Variants in CEP131 observed in about 807,000 individuals in gnomAD.
CEP131 encodes the protein centrosomal protein 131.
In CEP131, 99 loss-of-function variants were observed where a neutral mutation model predicts 136.8. That is an observed-to-expected ratio of 0.72 (90% confidence interval 0.62 to 0.86). CEP131 has a LOEUF of 0.86. CEP131 is among the 40% of genes least tolerant of loss of function. The probability of loss-of-function intolerance (pLI) is 0.00; values close to 1 mark genes in which losing one functional copy is unlikely to be tolerated. For missense variants in CEP131, 1,459 were observed against 1,463.0 expected (o/e 1.00, Z 0.04); for synonymous variants, 646 against 612.7 (o/e 1.05, Z -0.80).
At chr17:81,202,945 C>G (rs1405598744) in intron 6 of CEP131, among the ~76,000 whole-genome samples, 5 of 148,070 alleles carry the variant, frequency 3.4e-5, no homozygotes, top group African/African-American at 1.0e-4. Flanking sequence ...GCCTGGGCAA[C>G]AAGAATGAAA....
intron 16 of CEP131, among the ~76,000 whole-genome samples, chr17:81,195,622 G>A (rs1009725099): frequency 3.9e-5 from 6 of 152,162 alleles, no homozygotes; most frequent in South Asian, 2.1e-4. Context: ...GCAGGCCCAC[G>A]GCCCCGCCCC....
In CEP131 at chr17:81,192,561, T is replaced by C. The variant is rs773362195; in HGVS notation, c.2462A>G (p.Gln821Arg). 2 of 1,609,448 alleles carry C rather than the reference T, an allele frequency of 1.2e-6. No individual in the cohort carries two copies. The highest frequency in any genetic ancestry group is 1.7e-5 in the Admixed American group (1 of 59,868). Residue 821 changes from glutamine to arginine, a missense_variant, in exon 20 of 26, where the codon CAG (glutamine) becomes CGG (arginine). Gln to Arg is a conservative substitution (Grantham distance 43). Transcript: ENST00000450824. ...CAGTGCAGAGCTGCTCTCCTCCAGCTGCTGCCTCAGCTCTTCCAGCTCCGC... is the reference window on the plus strand; with the variant it reads ...CAGTGCAGAGCTGCTCTCCTCCAGCCGCTGCCTCAGCTCTTCCAGCTCCGC... ...QRAELEELRQ[Q>R]LEESSSALTR... is the part of the protein sequence containing the mutation.
intron 16 of CEP131, among the ~76,000 whole-genome samples, chr17:81,195,249 T>A (rs1255804988): frequency 2.6e-5 from 4 of 152,222 alleles, no homozygotes. Context: ...GGGGTGCTGC[T>A]GCCTGTCGGG....
intron 15 of CEP131, 25 bp from the exon 16 acceptor site, chr17:81,195,976 TG>T: frequency 6.3e-7 from 1 of 1,587,228 alleles, no homozygotes; most frequent in Non-Finnish European, 8.6e-7. Flanking sequence ...GGAGGTGAGG[TG>T]CTACACCAAG....
At position 81,208,419 on chromosome 17, in the gene CEP131, G is replaced by A. The variant is rs2062062389; in HGVS notation, c.272+509C>T. 6.6e-6 allele frequency among the ~76,000 whole-genome samples: 1 copy of A among 152,106 alleles called. No individual in the cohort carries two copies. The highest frequency in any genetic ancestry group is 1.5e-5 in the Non-Finnish European group (1 of 68,002). On this transcript the variant is annotated intron_variant, in intron 3 of 25. Transcript: ENST00000450824. The surrounding 1 kb of genome is among the most constrained non-coding windows in gnomAD (Gnocchi z 5.6). ...TGGGCTAGAGGATGTCCCCCCGGAGGCTGCTGGCCACCACCGGCTCCACTC... is the reference window on the plus strand; with the variant it reads ...TGGGCTAGAGGATGTCCCCCCGGAGACTGCTGGCCACCACCGGCTCCACTC...
chr17:81,220,072 T>A lies in CEP131; in HGVS notation c.-16A>T, dbSNP rs1471770547. On this transcript the variant is annotated splice_region_variant and 5_prime_UTR_variant, in exon 2 of 26. Transcript: ENST00000450824. ...TGCCTTTCATGGTGGACAAGGCAGGTCCTGAGCGGGGAAGCAAGAGCTGCA... is the reference window on the plus strand; with the variant it reads ...TGCCTTTCATGGTGGACAAGGCAGGACCTGAGCGGGGAAGCAAGAGCTGCA... The A allele has an allele frequency of 6.5e-7, 1 of 1,530,750 alleles. No individual in the cohort carries two copies. The highest frequency in any genetic ancestry group is 1.4e-5 in the African/African-American group (1 of 71,348). 94.8% of individuals were successfully genotyped at this position (1,530,750 alleles called of 1,614,324 possible). A position where few individuals can be genotyped will look rare whatever the true frequency, so the allele number is the denominator to read the frequency against.
At chr17:81,213,277 G>A (rs1392337471) in intron 2 of CEP131, among the ~76,000 whole-genome samples, 1 of 152,108 alleles carries the variant, frequency 6.6e-6, no homozygotes, top group Admixed American at 6.6e-5. Context: ...TTAATAAGTG[G>A]GGCCAGGTGC....
At chr17:81,201,580 A>T (rs903291671) in intron 7 of CEP131, among the ~76,000 whole-genome samples, 54 of 152,184 alleles carry the variant, frequency 3.5e-4, no homozygotes, top group African/African-American at 1.2e-3. Flanking sequence ...CTGAGGTACA[A>T]TTTCCATACT....
At chr17:81,202,173 A>C (rs2146593950) in intron 7 of CEP131, 67 bp downstream of exon 7, 45 of 313,012 alleles carry the variant, frequency 1.4e-4, no homozygotes, top group Middle Eastern at 6.2e-4. Flanking sequence ...AGCCCCCCAG[A>C]CCCTGATGCC....
chr17:81,200,230 C>T (rs1439748935), intron 8 of CEP131, 99 bp downstream of exon 8: 1 of 959,606 alleles, frequency 1.0e-6, no homozygotes, highest in Non-Finnish European at 1.6e-6. Flanking sequence ...CACGAGCAAT[C>T]CTAGGCTTTG....
chr17:81,214,377 G>A (rs893016592), intron 2 of CEP131, among the ~76,000 whole-genome samples: 1 of 152,140 alleles, frequency 6.6e-6, no homozygotes, highest in African/African-American at 2.4e-5. Flanking sequence ...CCAACATGGT[G>A]AAATCCTGTC....
intron 20 of CEP131, 27 bp from the exon 21 acceptor site, chr17:81,192,419 C>T (rs1482611817): frequency 6.2e-7 from 1 of 1,611,512 alleles, no homozygotes; most frequent in Admixed American, 1.7e-5. Flanking sequence ...AGAGGCCAGT[C>T]AGTCCCACCC....
intron 10 of CEP131, 121 bp from the exon 11 acceptor site, chr17:81,199,092 A>G (rs1451464940): frequency 1.9e-5 from 19 of 1,011,652 alleles, no homozygotes; most frequent in Non-Finnish European, 2.4e-5. Flanking sequence ...GAAGCAGAGG[A>G]GCCGCTGGGG....
rs767381516 is a variant in CEP131, at chr17:81,189,786, T to G, written c.3226A>C (p.Thr1076Pro). ...ATCCCTGGTCACTTGGTACTTGGCG[T>G]GGGCCTCCTGTGCTGCTCCAGCAGC... is the stretch of plus-strand genomic sequence containing the variant. ...EELLEQHRRP[T>P]PSTK The change falls in exon 26 of 26, where the codon ACG (threonine) becomes CCG (proline). Residue 1076 changes from threonine (T) to proline (P), a missense_variant. Transcript: ENST00000450824. 1 of 1,607,106 alleles carries G rather than the reference T, an allele frequency of 6.2e-7. No individual in the cohort carries two copies. Among genetic ancestry groups the G allele is most frequent in the Non-Finnish European group, 8.5e-7 (1 of 1,176,596 alleles).
At position 81,190,825 on chromosome 17, in the gene CEP131, G is replaced by A. The variant is rs1379884258; in HGVS notation, c.2944-23C>T. 4 of 1,593,778 alleles carry A rather than the reference G, an allele frequency of 2.5e-6. No individual in the cohort carries two copies. The African/African-American group carries it at 4.0e-5, about 16-fold the overall frequency. ...CACCTGGGTGGGCACAGAAGGCAGT[G>A]AGCCGGCTGCCAGCGACTGGCTGCG... On this transcript the variant is annotated intron_variant, in intron 23 of 25. Coordinates refer to ENST00000450824, the MANE Select transcript of CEP131 (RefSeq NM_014984.4).
At chr17:81,222,130 C>T (rs1004757562) in intron 1 of CEP131, among the ~76,000 whole-genome samples, 7 of 152,242 alleles carry the variant, frequency 4.6e-5, no homozygotes, top group African/African-American at 1.7e-4. Context: ...CCCAGCCACA[C>T]TTGCAAGCGG....
At chr17:81,202,168 CCCA>C in intron 7 of CEP131, 69 bp downstream of exon 7, 1 of 710,540 alleles carries the variant, frequency 1.4e-6, no homozygotes, top group Non-Finnish European at 2.0e-6. Context: ...GTGTGAGCCC[CCCA>C]GACCCTGATG....
At position 81,214,939 on chromosome 17, in the gene CEP131, A is replaced by AT. The variant is rs964024274; in HGVS notation, c.177+4940dup. Among the ~76,000 whole-genome samples the AT allele has an allele frequency of 4.8e-4, 70 of 146,034 alleles. No homozygotes were observed. In the South Asian group the frequency reaches 8.3e-3, roughly 17 times the overall value. ...AGGTGCCTGCCACCACGCCCGGCTA[A>AT]TTTTTTTTTTTGTATTTTTAGTAGA... On this transcript the variant is annotated intron_variant, in intron 2 of 25. Coordinates refer to ENST00000450824, the MANE Select transcript of CEP131 (RefSeq NM_014984.4).
chr17:81,209,520 C>T (rs958155757), intron 2 of CEP131, among the ~76,000 whole-genome samples: 1 of 152,194 alleles, frequency 6.6e-6, no homozygotes, highest in Non-Finnish European at 1.5e-5. Flanking sequence ...GTTCCAGGTC[C>T]GTGGAAAGGG....
Sources: gnomAD v4.1 joint callset for allele counts (sites outside exome capture counted in the v4.1 genomes callset) on GRCh38, gnomAD v4.1.1 for gene constraint, Gnocchi (gnomAD v3.1) non-coding constraint, MANE v1.5 for transcripts, NCBI Gene and HGNC (gene_info 2026-07-23, HGNC 2026-07-21) for gene names.